Variants in SPSB4 observed in about 807,000 individuals in gnomAD.
SPSB4 encodes splA/ryanodine receptor domain and SOCS box containing 4.
SPSB4 carries 21 observed loss-of-function variants against 20.9 expected under a neutral mutation model. The observed-to-expected ratio is 1.01, with a 90% CI of 0.71 to 1.45. The LOEUF (loss-of-function observed/expected upper bound fraction) is 1.45. SPSB4 is among the 40% of genes most tolerant of loss of function. The probability of loss-of-function intolerance (pLI) is 0.00; values close to 1 mark genes in which losing one functional copy is unlikely to be tolerated. For missense variants in SPSB4, 399 were observed against 399.2 expected (o/e 1.00, Z 0.00); for synonymous variants, 207 against 183.8 (o/e 1.13, Z -1.02).
At chr3:141,110,590 A>G (rs967936351) in intron 2 of SPSB4, among the ~76,000 whole-genome samples, 2 of 152,248 alleles carry the variant, frequency 1.3e-5, no homozygotes, top group African/African-American at 2.4e-5. Flanking sequence ...TTGTGTGCTC[A>G]TTGCTGTTCA....
intron 2 of SPSB4, among the ~76,000 whole-genome samples, chr3:141,134,025 T>C (rs1939180784): frequency 1.6e-5 from 2 of 121,402 alleles, no homozygotes; most frequent in Non-Finnish European, 3.2e-5. Flanking sequence ...TTCCTTTTTT[T>C]TTTTCTTTTC....
intron 2 of SPSB4, among the ~76,000 whole-genome samples, chr3:141,122,049 G>GT (rs1938975727): frequency 6.6e-6 from 1 of 152,156 alleles, no homozygotes; most frequent in Non-Finnish European, 1.5e-5. Context: ...CCTCTTTGTG[G>GT]TTTTATCTAC....
intron 2 of SPSB4, among the ~76,000 whole-genome samples, chr3:141,073,470 C>T (rs1209468157): frequency 2.0e-5 from 3 of 152,166 alleles, no homozygotes. Context: ...TCAGCCAGTC[C>T]TTACATAGTG....
intron 1 of SPSB4, among the ~76,000 whole-genome samples, chr3:141,057,963 T>C (rs1160523825): frequency 6.6e-6 from 1 of 152,170 alleles, no homozygotes. Context: ...GGTTGAGTCT[T>C]ATGCTTTTCA....
chr3:141,090,034 C>A (rs1938421378), intron 2 of SPSB4, among the ~76,000 whole-genome samples: 3 of 150,710 alleles, frequency 2.0e-5, no homozygotes, highest in African/African-American at 4.9e-5. Flanking sequence ...CCCTTACAGA[C>A]CACTTATAAA....
At chr3:141,055,987 G>C (rs1386355816) in intron 1 of SPSB4, among the ~76,000 whole-genome samples, 1 of 152,226 alleles carries the variant, frequency 6.6e-6, no homozygotes, top group South Asian at 2.1e-4. Context: ...TGGAGATGCA[G>C]GTCATAAGAG....
At chr3:141,117,160 CATTG>C (rs1211491335) in intron 2 of SPSB4, 1 of 152,258 alleles carries the variant, frequency 6.6e-6, no homozygotes, top group Admixed American at 6.5e-5. Flanking sequence ...TAATAGCTGT[CATTG>C]ATTGATTGCC....
Position 141,066,008 on chromosome 3 carries a change from C to T in SPSB4, c.-97C>T. 1 of 1,168,958 alleles carries T rather than the reference C, an allele frequency of 8.6e-7. No individual in the cohort carries two copies. The highest frequency in any genetic ancestry group is 1.1e-6 in the Non-Finnish European group (1 of 876,838). 72.4% of individuals were successfully genotyped at this position (1,168,958 alleles called of 1,614,324 possible). ...GCTGTGGAGGTCTACCGTCCGGAAG[C>T]CTGGTTCCCAGCCCCGTGGCCCATT... is the stretch of plus-strand genomic sequence containing the variant. On this transcript the variant is annotated 5_prime_UTR_variant, in exon 2 of 3. Transcript: ENST00000310546.
At chr3:141,102,220 A>C (rs1297127144) in intron 2 of SPSB4, among the ~76,000 whole-genome samples, 2 of 152,218 alleles carry the variant, frequency 1.3e-5, no homozygotes, top group African/African-American at 4.8e-5. Flanking sequence ...GTAGTCACTT[A>C]GTAACTGAGT....
At chr3:141,141,829 G>A (rs866845623) in intron 2 of SPSB4, among the ~76,000 whole-genome samples, 10 of 152,246 alleles carry the variant, frequency 6.6e-5, no homozygotes, top group Middle Eastern at 3.4e-3. Flanking sequence ...TAGTTTGTAT[G>A]TGTAAAGGTG....
At chr3:141,117,292 A>T (rs1576536814) in intron 2 of SPSB4, among the ~76,000 whole-genome samples, 1 of 152,286 alleles carries the variant, frequency 6.6e-6, no homozygotes, top group East Asian at 1.9e-4. Context: ...TGCCCTGTAA[A>T]GCCAGAACCT....
Position 141,074,988 on chromosome 3 carries a change from C to T in SPSB4, c.694+8190C>T, listed in dbSNP as rs1346871001. On this transcript the variant is annotated intron_variant, in intron 2 of 2. Coordinates refer to ENST00000310546, the MANE Select transcript of SPSB4 (RefSeq NM_080862.3). ...AAGACCCACCTTTTACAGATGGGAG[C>T]TGACTGGACCAGAGAGCTGGGAGGC... is the stretch of plus-strand genomic sequence containing the variant. Among the ~76,000 whole-genome samples the T allele has an allele frequency of 3.3e-5, 5 of 152,186 alleles. No homozygotes were observed. The East Asian group carries it at 5.8e-4, about 18-fold the overall frequency.
At chr3:141,126,371 A>G (rs1187644481) in intron 2 of SPSB4, among the ~76,000 whole-genome samples, 1 of 152,002 alleles carries the variant, frequency 6.6e-6, no homozygotes, top group Admixed American at 6.6e-5. Context: ...GAGATCTCAG[A>G]CTCAATCCTG....
intron 2 of SPSB4, among the ~76,000 whole-genome samples, chr3:141,136,698 T>C (rs1164376412): frequency 6.6e-6 from 1 of 152,226 alleles, no homozygotes; most frequent in Non-Finnish European, 1.5e-5. Flanking sequence ...CATTGGTCTA[T>C]ATCTCTGTTT....
At chr3:141,096,493 A>G (rs1054099984) in intron 2 of SPSB4, among the ~76,000 whole-genome samples, 14 of 152,286 alleles carry the variant, frequency 9.2e-5, no homozygotes, top group African/African-American at 3.4e-4. Flanking sequence ...AGCTGGATTG[A>G]TTTCCAAGGC....
intron 2 of SPSB4, among the ~76,000 whole-genome samples, chr3:141,067,565 A>G (rs563595695): frequency 4.1e-4 from 62 of 152,332 alleles, no homozygotes; most frequent in African/African-American, 1.5e-3. Flanking sequence ...GCTGGGGTTG[A>G]CCCCTGACAA....
In SPSB4 at chr3:141,147,490, A is replaced by C. The variant is rs1576547093; in HGVS notation, c.*221A>C. On this transcript the variant is annotated 3_prime_UTR_variant, in exon 3 of 3. Coordinates refer to ENST00000310546, the MANE Select transcript of SPSB4 (RefSeq NM_080862.3). ...TCGAGGCAGCCCTCCCAAGTCAGAC[A>C]CCTCCTTCGGAGCCACAGAGAGCCT... The C allele has an allele frequency of 3.1e-6, 2 of 639,668 alleles. No homozygotes were observed. The highest frequency in any genetic ancestry group is 5.0e-6 in the Non-Finnish European group (2 of 397,644). The allele number at this position is 639,668 out of a possible 1,614,324, so 39.6% of individuals were successfully genotyped here. A position where few individuals can be genotyped will look rare whatever the true frequency, so the allele number is the denominator to read the frequency against.
intron 1 of SPSB4, among the ~76,000 whole-genome samples, chr3:141,062,351 T>C (rs1937782406): frequency 6.6e-6 from 1 of 151,772 alleles, no homozygotes; most frequent in African/African-American, 2.4e-5. Context: ...TATAATATGA[T>C]ACATTACATG....
chr3:141,105,475 G>A (rs1266037635), intron 2 of SPSB4, among the ~76,000 whole-genome samples: 1 of 152,190 alleles, frequency 6.6e-6, no homozygotes, highest in Non-Finnish European at 1.5e-5. Context: ...ATTCCACTAG[G>A]TACCTCATTC....
Sources: gnomAD v4.1 joint callset for allele counts (sites outside exome capture counted in the v4.1 genomes callset) on GRCh38, gnomAD v4.1.1 for gene constraint, MANE v1.5 for transcripts, NCBI Gene and HGNC (gene_info 2026-07-23, HGNC 2026-07-21) for gene names.